KATNAL2: variants seen among roughly 807,000 people sequenced by gnomAD.
The protein encoded by KATNAL2 is katanin p60 ATPase-containing subunit A-like 2.
In KATNAL2, 52 loss-of-function variants were observed where a neutral mutation model predicts 76.3. The observed-to-expected ratio is 0.68, with a 90% CI of 0.55 to 0.86. KATNAL2 has a LOEUF of 0.86. Ranked by LOEUF, KATNAL2 falls within the 40% of genes least tolerant of loss-of-function variation. The pLI is 0.00. For missense variants in KATNAL2, 660 were observed against 668.9 expected (o/e 0.99, Z 0.15); for synonymous variants, 243 against 244.2 (o/e 1.00, Z 0.05).
At chr18:47,034,894 T>C in intron 3 of KATNAL2, 9 of 1,612,004 alleles carry the variant, frequency 5.6e-6, no homozygotes, top group Non-Finnish European at 7.6e-6. Context: ...CTCAGGGCTG[T>C]GAGATGGGCT....
At chr18:47,086,528 G>A (rs2062781051) in intron 15 of KATNAL2, among the ~76,000 whole-genome samples, 2 of 152,162 alleles carry the variant, frequency 1.3e-5, no homozygotes, top group Non-Finnish European at 2.9e-5. Context: ...TCTTGGCCAG[G>A]CTGGTCTTGA....
intron 7 of KATNAL2, among the ~76,000 whole-genome samples, chr18:47,059,097 C>A (rs2061554444): frequency 6.6e-6 from 1 of 152,202 alleles, no homozygotes; most frequent in South Asian, 2.1e-4. Context: ...ATTCTCTCCC[C>A]CTCAAGGAGG....
intron 11 of KATNAL2, among the ~76,000 whole-genome samples, chr18:47,067,883 G>C (rs1266617833): frequency 6.6e-6 from 1 of 152,156 alleles, no homozygotes; most frequent in Non-Finnish European, 1.5e-5. Flanking sequence ...TCACAGGTCT[G>C]AGCCATCAGC....
In KATNAL2 at chr18:47,099,272, TG is replaced by T. The variant is rs752716876; in HGVS notation, c.1243del (p.Glu415ArgfsTer17). The T allele has an allele frequency of 1.2e-6, 2 of 1,614,066 alleles. No individual in the cohort carries two copies. Among genetic ancestry groups the T allele is most frequent in the South Asian group, 2.2e-5 (2 of 91,052 alleles). On this transcript the variant is annotated frameshift_variant, in exon 16 of 18. Coordinates refer to ENST00000683218, the MANE Select transcript of KATNAL2 (RefSeq NM_001387690.1). LOFTEE classifies it high-confidence loss of function. ...CTGGACTGTGCCATGTTACGCCGCC[TG>T]GAGAAGAGGATTCTGGTCGATCTCC... ...WELDCAMLRR[L>X]EKRILVDLPS...
chr18:47,065,478 C>T (rs917010611), intron 10 of KATNAL2, among the ~76,000 whole-genome samples: 1 of 151,910 alleles, frequency 6.6e-6, no homozygotes, highest in African/African-American at 2.4e-5. Context: ...GTTCTGGAAC[C>T]AATCTCTTCC....
intron 1 of KATNAL2, among the ~76,000 whole-genome samples, chr18:46,921,507 A>C (rs2058543912): frequency 6.6e-6 from 1 of 152,190 alleles, no homozygotes; most frequent in African/African-American, 2.4e-5. Flanking sequence ...AACTTTAGCA[A>C]AGTCTCAACT....
intron 3 of KATNAL2, among the ~76,000 whole-genome samples, chr18:46,953,757 A>T (rs200064095): frequency 2.3e-5 from 1 of 43,344 alleles, no homozygotes; most frequent in African/African-American, 1.0e-4. Flanking sequence ...ACCCCGTCTC[A>T]AAAAAAAAAA....
At chr18:47,076,138 G>C (rs1364786702) in intron 14 of KATNAL2, 1 of 152,004 alleles carries the variant, frequency 6.6e-6, no homozygotes, top group East Asian at 1.9e-4. Flanking sequence ...GACCTTTAAT[G>C]GACTATCATC....
chr18:47,080,317 A>T (rs549788841), intron 15 of KATNAL2, among the ~76,000 whole-genome samples: 5 of 152,102 alleles, frequency 3.3e-5, no homozygotes, highest in Admixed American at 2.6e-4. Context: ...TTTTATTGAG[A>T]TATAACTCAC....
At chr18:47,081,435 T>A (rs1239011492) in intron 15 of KATNAL2, among the ~76,000 whole-genome samples, 1 of 152,222 alleles carries the variant, frequency 6.6e-6, no homozygotes, top group Non-Finnish European at 1.5e-5. Flanking sequence ...AGTATAAAAA[T>A]TAGTGTGATA....
chr18:47,054,220 C>T (rs550784978), intron 5 of KATNAL2, among the ~76,000 whole-genome samples, 176 bp from the exon 6 acceptor site: 1 of 152,214 alleles, frequency 6.6e-6, no homozygotes, highest in Non-Finnish European at 1.5e-5. Context: ...AGGCCTCTTT[C>T]TCTTCGCTGG....
intron 1 of KATNAL2, among the ~76,000 whole-genome samples, chr18:46,931,376 G>A (rs1599335228): frequency 6.6e-6 from 1 of 151,918 alleles, no homozygotes; most frequent in East Asian, 1.9e-4. Flanking sequence ...AAAAGGCAGG[G>A]TGTGGTGGCT....
At chr18:47,035,115 T>C (rs1421565038) in intron 3 of KATNAL2, 1 of 1,611,362 alleles carries the variant, frequency 6.2e-7, no homozygotes, top group African/African-American at 1.3e-5. Flanking sequence ...TCACCGTCTT[T>C]CTGATTCCAG....
chr18:47,054,226 G>A (rs570619916), intron 5 of KATNAL2, among the ~76,000 whole-genome samples, 170 bp from the exon 6 acceptor site: 2 of 152,212 alleles, frequency 1.3e-5, no homozygotes, highest in South Asian at 2.1e-4. Context: ...CTTTCTCTTC[G>A]CTGGTAATTT....
At chr18:47,087,962 T>C (rs2062845727) in intron 15 of KATNAL2, among the ~76,000 whole-genome samples, 1 of 152,206 alleles carries the variant, frequency 6.6e-6, no homozygotes, top group Non-Finnish European at 1.5e-5. Context: ...TTCTTTTTCT[T>C]GAGCGTTTTT....
rs749662975 is a variant in KATNAL2, at chr18:47,034,917, C to A, written c.52-11540C>A. 1.1e-5 allele frequency: 18 copies of A among 1,611,866 alleles called. 1 individual carries two copies. The highest frequency in any genetic ancestry group is 1.4e-5 in the Non-Finnish European group (16 of 1,179,894). Reference sequence around the variant, plus strand: ...TGTGAGATGGGCTCCTGGGGGCCGTCGCGTTTTCTGGGAAGCCCCAGGCCT... The same window carrying A: ...TGTGAGATGGGCTCCTGGGGGCCGTAGCGTTTTCTGGGAAGCCCCAGGCCT... On this transcript the variant is annotated intron_variant, in intron 3 of 17. Coordinates refer to ENST00000683218, the MANE Select transcript of KATNAL2 (RefSeq NM_001387690.1).
chr18:46,950,830 G>A (rs540979013), intron 3 of KATNAL2, among the ~76,000 whole-genome samples: 39 of 152,046 alleles, frequency 2.6e-4, no homozygotes, highest in African/African-American at 8.0e-4. Flanking sequence ...GGCTACAGGC[G>A]CCCACCACCA....
At chr18:46,930,061 A>G (rs1006681071) in intron 1 of KATNAL2, among the ~76,000 whole-genome samples, 1 of 152,168 alleles carries the variant, frequency 6.6e-6, no homozygotes, top group African/African-American at 2.4e-5. Context: ...GGCATGAGTC[A>G]CTGCACCTGG....
intron 11 of KATNAL2, among the ~76,000 whole-genome samples, chr18:47,068,398 A>G (rs72903245): frequency 0.017 from 2,641 of 152,322 alleles, 34 homozygotes; most frequent in African/African-American, 0.024. Flanking sequence ...TTCACACTTA[A>G]GGGTAAGAAA....
Sources: gnomAD v4.1 joint callset for allele counts (sites outside exome capture counted in the v4.1 genomes callset) on GRCh38, gnomAD v4.1.1 for gene constraint, MANE v1.5 for transcripts, NCBI Gene and HGNC (gene_info 2026-07-23, HGNC 2026-07-21) for gene names.